GRM7: variants seen among roughly 807,000 people sequenced by gnomAD.
The protein encoded by GRM7 is glutamate metabotropic receptor 7.
In GRM7, 35 loss-of-function variants were observed where a neutral mutation model predicts 84.5. That is an observed-to-expected ratio of 0.41 (90% CI 0.32 to 0.55). GRM7 has a LOEUF of 0.55. GRM7 is among the 20% of genes least tolerant of loss of function. GRM7 has a pLI of 0.19. For missense variants in GRM7, 1,003 were observed against 1,194.6 expected (o/e 0.84, Z 2.36); for synonymous variants, 487 against 455.1 (o/e 1.07, Z -0.89).
At chr3:7,642,110 C>G (rs1394973158) in intron 8 of GRM7, among the ~76,000 whole-genome samples, 1 of 152,042 alleles carries the variant, frequency 6.6e-6, no homozygotes, top group Non-Finnish European at 1.5e-5. Flanking sequence ...GGAACTTAAC[C>G]AAGGGCTTGC....
At chr3:7,662,658 G>A (rs1271440620) in intron 8 of GRM7, among the ~76,000 whole-genome samples, 5 of 151,770 alleles carry the variant, frequency 3.3e-5, no homozygotes, top group African/African-American at 1.2e-4. Context: ...GAAATAAAGT[G>A]CGAAGTATTA....
chr3:7,572,575 T>G (rs370950028), intron 7 of GRM7, among the ~76,000 whole-genome samples: 13 of 151,680 alleles, frequency 8.6e-5, no homozygotes, highest in African/African-American at 2.9e-4. Context: ...ATCCCAGCGC[T>G]TTGGGAGGCT....
intron 7 of GRM7, among the ~76,000 whole-genome samples, chr3:7,487,173 A>G (rs906487987): frequency 6.6e-6 from 1 of 152,182 alleles, no homozygotes; most frequent in East Asian, 1.9e-4. Context: ...TTTCTAAGCA[A>G]AATATAGAAG....
intron 4 of GRM7, among the ~76,000 whole-genome samples, chr3:7,331,632 G>T (rs1474080535): frequency 6.6e-6 from 1 of 152,132 alleles, no homozygotes; most frequent in Admixed American, 6.5e-5. Context: ...GGACATGCAG[G>T]CCTCATTATT....
chr3:7,115,106 A>C (rs1307068828), intron 1 of GRM7, among the ~76,000 whole-genome samples: 2 of 152,184 alleles, frequency 1.3e-5, no homozygotes, highest in Non-Finnish European at 1.5e-5. Flanking sequence ...TATGTATTCT[A>C]AGTCACAGAG....
chr3:7,538,186 T>G (rs1303365943), intron 7 of GRM7, among the ~76,000 whole-genome samples: 1 of 152,236 alleles, frequency 6.6e-6, no homozygotes, highest in Non-Finnish European at 1.5e-5. Context: ...TTCAGCTCAC[T>G]GCAACCTCTA....
chr3:7,589,896 A>G (rs780022462), intron 8 of GRM7, among the ~76,000 whole-genome samples: 5 of 152,108 alleles, frequency 3.3e-5, no homozygotes, highest in Non-Finnish European at 5.9e-5. Context: ...TTATGTTCCA[A>G]TTGATTCCTT....
At chr3:6,879,463 C>T (rs1454540310) in intron 1 of GRM7, among the ~76,000 whole-genome samples, 1 of 152,158 alleles carries the variant, frequency 6.6e-6, no homozygotes, top group Non-Finnish European at 1.5e-5. Context: ...CTTACCTGTT[C>T]TGTTTTACTT....
chr3:6,993,904 TG>T (rs953013320), intron 1 of GRM7, among the ~76,000 whole-genome samples: 1 of 152,206 alleles, frequency 6.6e-6, no homozygotes, highest in African/African-American at 2.4e-5. Context: ...TTCAGCTACT[TG>T]TGCTGGGAGG....
intron 7 of GRM7, among the ~76,000 whole-genome samples, chr3:7,465,710 A>C (rs911157750): frequency 2.0e-5 from 3 of 152,024 alleles, no homozygotes; most frequent in African/African-American, 7.3e-5. Context: ...TACTTTTTCA[A>C]TTCTCAGTTA....
intron 2 of GRM7, among the ~76,000 whole-genome samples, chr3:7,201,501 C>A (rs1018462814): frequency 1.3e-5 from 2 of 152,070 alleles, no homozygotes; most frequent in African/African-American, 4.8e-5. Flanking sequence ...GTTATTACAT[C>A]CTCTATAGAG....
intron 7 of GRM7, among the ~76,000 whole-genome samples, chr3:7,490,749 C>T (rs759194001): frequency 6.6e-6 from 1 of 151,994 alleles, no homozygotes. Flanking sequence ...TTCAAAAATA[C>T]CAAAAGTTGC....
chr3:7,534,511 T>C (rs546350655), intron 7 of GRM7, among the ~76,000 whole-genome samples: 5 of 152,330 alleles, frequency 3.3e-5, no homozygotes, highest in African/African-American at 1.2e-4. Context: ...TTAACCACTA[T>C]GCTTTACTAC....
chr3:6,928,643 A>G lies in GRM7; in HGVS notation c.519+66736A>G, dbSNP rs1424359537. 6.6e-6 allele frequency among the ~76,000 whole-genome samples: 1 copy of G among 152,214 alleles called. No individual in the cohort carries two copies. Among genetic ancestry groups the G allele is most frequent in the Admixed American group, 6.5e-5 (1 of 15,276 alleles). On this transcript the variant is annotated intron_variant, in intron 1 of 9. Coordinates refer to ENST00000357716, the MANE Select transcript of GRM7 (RefSeq NM_000844.4). This position sits in a 1 kb window ranked among gnomAD's most constrained non-coding sequence, Gnocchi z 4.5. Reference sequence around the variant, plus strand: ...CATTATAGCCCAGATTTTGCCAGGCAAACAACTTGATAGAATCAATAGAAG... The same window carrying G: ...CATTATAGCCCAGATTTTGCCAGGCGAACAACTTGATAGAATCAATAGAAG...
intron 8 of GRM7, among the ~76,000 whole-genome samples, chr3:7,637,502 C>T (rs570806232): frequency 4.6e-5 from 7 of 152,298 alleles, no homozygotes; most frequent in East Asian, 1.9e-4. Flanking sequence ...CCATCAGACA[C>T]GAAGAATTCC....
At chr3:7,705,009 C>G (rs1043892218) in intron 9 of GRM7, among the ~76,000 whole-genome samples, 3 of 152,144 alleles carry the variant, frequency 2.0e-5, no homozygotes, top group Admixed American at 2.0e-4. Flanking sequence ...CCAGACAAGG[C>G]TTGTGCTGGC....
intron 9 of GRM7, among the ~76,000 whole-genome samples, chr3:7,733,955 T>A (rs938680321): frequency 1.3e-5 from 2 of 152,246 alleles, no homozygotes. Flanking sequence ...CAAGACAAAA[T>A]TAGTCTTTGT....
chr3:6,999,401 G>A (rs1694936097), intron 1 of GRM7, among the ~76,000 whole-genome samples: 1 of 152,074 alleles, frequency 6.6e-6, no homozygotes, highest in Admixed American at 6.5e-5. Flanking sequence ...AAGTCTCTAG[G>A]AAGTTCCAAA....
intron 1 of GRM7, among the ~76,000 whole-genome samples, chr3:6,910,779 A>G (rs949627237): frequency 6.6e-6 from 1 of 152,154 alleles, no homozygotes; most frequent in African/African-American, 2.4e-5. Flanking sequence ...CTCATTCTCT[A>G]GGACACAGTT....
Sources: allele counts gnomAD v4.1 joint callset (sites outside exome capture counted in the v4.1 genomes callset), GRCh38; gene constraint gnomAD v4.1.1; non-coding constraint Gnocchi (gnomAD v3.1); transcripts MANE v1.5; gene names NCBI Gene and HGNC (gene_info 2026-07-23, HGNC 2026-07-21).